ST7: variants seen among roughly 807,000 people sequenced by gnomAD.
The protein encoded by ST7 is suppressor of tumorigenicity 7 protein.
In ST7, 28 loss-of-function variants were observed where a neutral mutation model predicts 78.7. The observed-to-expected ratio is 0.36, with a 90% CI of 0.26 to 0.49. The LOEUF (loss-of-function observed/expected upper bound fraction) is 0.49. Ranked by LOEUF, ST7 falls within the 20% of genes least tolerant of loss-of-function variation. The pLI is 0.99. For synonymous variants in ST7, 247 were observed against 249.6 expected (o/e 0.99, Z 0.10); for missense variants, 418 against 696.0 (o/e 0.60, Z 4.49).
At chr7:116,967,176 A>G (rs1181678639) in intron 1 of ST7, 2 of 275,414 alleles carry the variant, frequency 7.3e-6, no homozygotes, top group South Asian at 3.8e-5. Context: ...GGGTTTCTCA[A>G]GCAATGTTCT....
chr7:117,165,381 T>C (rs1807467835), intron 9 of ST7, among the ~76,000 whole-genome samples: 1 of 152,128 alleles, frequency 6.6e-6, no homozygotes, highest in African/African-American at 2.4e-5. Context: ...ATTCTGAGCA[T>C]TGAGTCAAAA....
intron 9 of ST7, among the ~76,000 whole-genome samples, chr7:117,143,248 T>C (rs1805476877): frequency 1.3e-5 from 2 of 152,180 alleles, no homozygotes; most frequent in African/African-American, 4.8e-5. Flanking sequence ...CTTTTTGCAG[T>C]TTCCTGTTGA....
intron 1 of ST7, among the ~76,000 whole-genome samples, chr7:117,048,909 G>A (rs192254935): frequency 1.6e-4 from 24 of 152,206 alleles, no homozygotes; most frequent in Admixed American, 9.8e-4. Context: ...TCTAGAGGCC[G>A]AATTAGAGAC....
intron 1 of ST7, among the ~76,000 whole-genome samples, chr7:117,093,488 G>T (rs1800785607): frequency 6.6e-6 from 1 of 152,170 alleles, no homozygotes; most frequent in Non-Finnish European, 1.5e-5. Flanking sequence ...GATCAGTGAG[G>T]TCAGGAGTTT....
chr7:117,138,553 G>C, intron 9 of ST7, 21 bp downstream of exon 9: 1 of 1,549,598 alleles, frequency 6.5e-7, no homozygotes, highest in South Asian at 1.2e-5. Flanking sequence ...GTTTGTGTTT[G>C]GGATCAGTGG....
intron 1 of ST7, chr7:116,958,568 A>G (rs1562976589): frequency 4.3e-6 from 2 of 469,994 alleles, no homozygotes; most frequent in African/African-American, 2.0e-5. Flanking sequence ...CCCTATCTGT[A>G]AATCCCACCC....
chr7:117,133,674 TTTA>T (rs757530529), intron 6 of ST7, among the ~76,000 whole-genome samples: 406 of 151,640 alleles, frequency 2.7e-3, no homozygotes, highest in African/African-American at 8.8e-3. Context: ...TTTATTTTGT[TTTA>T]TTATTATTAT....
intron 2 of ST7, among the ~76,000 whole-genome samples, chr7:117,100,495 G>A (rs1030388449): frequency 3.3e-5 from 5 of 151,786 alleles, no homozygotes; most frequent in African/African-American, 7.3e-5. Context: ...CAAAACCAAC[G>A]ATCAAAATGG....
intron 2 of ST7, 68 bp downstream of exon 2, chr7:117,099,912 G>C: frequency 7.8e-7 from 1 of 1,277,774 alleles, no homozygotes. Flanking sequence ...TGTATGTACA[G>C]TAAAAAACTC....
chr7:116,962,307 G>A (rs1792875740), intron 1 of ST7, among the ~76,000 whole-genome samples: 1 of 152,154 alleles, frequency 6.6e-6, no homozygotes, highest in East Asian at 1.9e-4. Context: ...ACCTAGTAAT[G>A]GGATTGCTTG....
intron 1 of ST7, among the ~76,000 whole-genome samples, chr7:117,082,831 C>T (rs749653379): frequency 9.2e-5 from 14 of 152,166 alleles, no homozygotes; most frequent in Non-Finnish European, 1.3e-4. Context: ...CTAACAAGCA[C>T]GGCTGTGTTT....
At chr7:117,173,459 T>C (rs1403422232) in intron 10 of ST7, 2 of 152,200 alleles carry the variant, frequency 1.3e-5, no homozygotes, top group East Asian at 3.8e-4. Context: ...ACATGCCTCT[T>C]GTTTCTCACC....
Position 117,020,552 on chromosome 7 carries a change from T to C in ST7, c.151+66861T>C, listed in dbSNP as rs1241039933. On this transcript the variant is annotated intron_variant, in intron 1 of 15. Transcript: ENST00000323984. ...GTACACTCTCCTCGCTTTTCTTTCT[T>C]TTTTTTTTCCCTTTTCTTTCTTCTA... The C allele has an allele frequency of 7.1e-6, 11 of 1,541,338 alleles. No individual in the cohort carries two copies. The East Asian group carries it at 2.7e-4, about 38-fold the overall frequency.
chr7:117,116,970 C>T (rs1037556092), intron 2 of ST7, among the ~76,000 whole-genome samples: 2 of 152,102 alleles, frequency 1.3e-5, no homozygotes, highest in Admixed American at 1.3e-4. Flanking sequence ...TCAGAGGGCA[C>T]TTGGAAGTAA....
chr7:117,224,484 G>C (rs539717079), intron 15 of ST7, among the ~76,000 whole-genome samples: 1 of 152,190 alleles, frequency 6.6e-6, no homozygotes, highest in Admixed American at 6.5e-5. Flanking sequence ...TGAGTAGAGT[G>C]TGACTTAGTA....
intron 1 of ST7, chr7:116,956,294 G>T (rs1792476251): frequency 1.2e-5 from 4 of 334,536 alleles, no homozygotes; most frequent in Non-Finnish European, 2.4e-5. Flanking sequence ...TATTGGCAAG[G>T]AAGGCCCAGG....
At chr7:117,221,854 C>T (rs1344198884) in intron 14 of ST7, 69 bp from the exon 15 acceptor site, 2 of 1,485,944 alleles carry the variant, frequency 1.3e-6, no homozygotes, top group African/African-American at 2.9e-5. Context: ...GTCAGTGCCA[C>T]CATAAAGACC....
chr7:117,059,018 A>G (rs1798207716), intron 1 of ST7, among the ~76,000 whole-genome samples: 1 of 152,182 alleles, frequency 6.6e-6, no homozygotes, highest in Non-Finnish European at 1.5e-5. Context: ...ATGGAGATAG[A>G]GAATAGAAGG....
chr7:117,024,636 A>G (rs1236030044), intron 1 of ST7, among the ~76,000 whole-genome samples: 2 of 152,202 alleles, frequency 1.3e-5, no homozygotes, highest in Non-Finnish European at 2.9e-5. Context: ...CATCTAGAGC[A>G]TCTGTGGAGG....
Sources: gnomAD v4.1 joint callset for allele counts (sites outside exome capture counted in the v4.1 genomes callset) on GRCh38, gnomAD v4.1.1 for gene constraint, MANE v1.5 for transcripts, NCBI Gene and HGNC (gene_info 2026-07-23, HGNC 2026-07-21) for gene names.